Variants in VWA8 observed in about 807,000 individuals in gnomAD.
VWA8 encodes von Willebrand factor A domain-containing protein 8.
In VWA8, 221 loss-of-function variants were observed where a neutral mutation model predicts 241.5. The observed-to-expected ratio is 0.91, with a 90% CI of 0.82 to 1.02. The LOEUF (loss-of-function observed/expected upper bound fraction) is 1.02, where lower values mean the gene tolerates loss of function less well. VWA8 is among the 50% of genes least tolerant of loss of function. VWA8 has a pLI of 0.00. For synonymous variants in VWA8, 852 were observed against 827.1 expected, an observed-to-expected ratio of 1.03 and a Z score of -0.52; for missense variants, 2,322 against 2,328.7, an observed-to-expected ratio of 1.00 and a Z score of 0.06.
intron 21 of VWA8, among the ~76,000 whole-genome samples, chr13:41,748,711 T>G (rs2045629856): frequency 6.6e-6 from 1 of 152,154 alleles, no homozygotes; most frequent in African/African-American, 2.4e-5. Context: ...GCCACACATC[T>G]ACAACTATCT....
At chr13:41,808,642 C>T (rs1445610099) in intron 17 of VWA8, among the ~76,000 whole-genome samples, 1 of 152,034 alleles carries the variant, frequency 6.6e-6, no homozygotes, top group Non-Finnish European at 1.5e-5. Flanking sequence ...CAGATCCAAC[C>T]CATATCAATA....
At position 41,811,257 on chromosome 13, in the gene VWA8, A is replaced by T. The variant is rs1287915588; in HGVS notation, c.2031T>A (p.Leu677=). 6.2e-7 allele frequency: 1 copy of T among 1,610,644 alleles called. No individual in the cohort carries two copies. Among genetic ancestry groups the T allele is most frequent in the Admixed American group, 1.7e-5 (1 of 59,948 alleles). The change falls in exon 17 of 45, where the codon CTT becomes CTA. Residue 677 remains leucine, a synonymous_variant. Coordinates refer to ENST00000379310, the MANE Select transcript of VWA8 (RefSeq NM_015058.2). ...RRLSQYPNEN[L]HSAVTKACLS... ...GGCAGGCTTTAGTAACAGCACTGTGAAGATTTTCATTAGGATACTGTGACA... is the reference window on the plus strand; with the variant it reads ...GGCAGGCTTTAGTAACAGCACTGTGTAGATTTTCATTAGGATACTGTGACA...
At chr13:41,642,545 C>T (rs34298367) in intron 37 of VWA8, among the ~76,000 whole-genome samples, 4,024 of 136,004 alleles carry the variant, frequency 0.03, 65 homozygotes, top group South Asian at 0.064. Context: ...GGTGACAGTG[C>T]GGGATTCCGT....
intron 40 of VWA8, among the ~76,000 whole-genome samples, chr13:41,595,337 G>C (rs919756945): frequency 1.1e-4 from 16 of 152,274 alleles, no homozygotes; most frequent in Admixed American, 8.5e-4. Context: ...GTGAGAGTAA[G>C]GGAGAGGGAA....
chr13:41,770,445 A>AAAC (rs1233646552), intron 20 of VWA8, among the ~76,000 whole-genome samples: 2 of 146,482 alleles, frequency 1.4e-5, no homozygotes, highest in Admixed American at 6.7e-5. Flanking sequence ...CGTTTCAAAA[A>AAAC]AAAAAAAAAA....
chr13:41,592,211 C>A (rs2044459929), intron 40 of VWA8, among the ~76,000 whole-genome samples: 1 of 138,074 alleles, frequency 7.2e-6, no homozygotes. Flanking sequence ...TAAACTATCG[C>A]AAGAACAAAA....
intron 21 of VWA8, among the ~76,000 whole-genome samples, chr13:41,759,663 C>G (rs1334366389): frequency 6.6e-6 from 1 of 151,598 alleles, no homozygotes; most frequent in Non-Finnish European, 1.5e-5. Flanking sequence ...TTTATGGCAA[C>G]TGTTTTATAG....
At chr13:41,891,859 T>C (rs1250458311) in intron 4 of VWA8, among the ~76,000 whole-genome samples, 15 of 152,162 alleles carry the variant, frequency 9.9e-5, no homozygotes. Flanking sequence ...TTAGATTATA[T>C]ACCCAATGAA....
At chr13:41,836,510 A>G (rs141158905) in intron 12 of VWA8, among the ~76,000 whole-genome samples, 3 of 152,274 alleles carry the variant, frequency 2.0e-5, no homozygotes, top group African/African-American at 7.2e-5. Flanking sequence ...AAAAACTGGT[A>G]ACATTTTTTT....
intron 2 of VWA8, among the ~76,000 whole-genome samples, chr13:41,931,254 AAGAGAAATAAACCAGACCC>A (rs1363383952): frequency 1.4e-5 from 2 of 146,974 alleles, no homozygotes; most frequent in Non-Finnish European, 3.0e-5. Context: ...ACATTATGCT[AAGAGAAATAAACCAGACCC>A]AGGGTTAAAA....
chr13:41,760,776 T>G (rs901642440), intron 21 of VWA8, among the ~76,000 whole-genome samples: 2 of 152,000 alleles, frequency 1.3e-5, no homozygotes, highest in Admixed American at 1.3e-4. Context: ...AGTTTATTAT[T>G]TCTCCTTGTG....
chr13:41,939,565 G>C (rs1244804752), intron 2 of VWA8, among the ~76,000 whole-genome samples: 1 of 152,044 alleles, frequency 6.6e-6, no homozygotes, highest in Non-Finnish European at 1.5e-5. Context: ...ATGTCCTGCT[G>C]TGCCCAATGC....
At chr13:41,713,262 A>C (rs536626515) in intron 26 of VWA8, among the ~76,000 whole-genome samples, 1 of 152,360 alleles carries the variant, frequency 6.6e-6, no homozygotes, top group East Asian at 1.9e-4. Flanking sequence ...TTTTACAAAT[A>C]AAATGTAGAA....
chr13:41,835,382 C>T (rs530778767), intron 12 of VWA8, among the ~76,000 whole-genome samples: 6 of 152,294 alleles, frequency 3.9e-5, no homozygotes, highest in Non-Finnish European at 5.9e-5. Flanking sequence ...GGTTTTGACA[C>T]ATTGTCAAAA....
chr13:41,926,277 C>A, intron 2 of VWA8: 1 of 646,146 alleles, frequency 1.5e-6, no homozygotes, highest in East Asian at 3.0e-5. Context: ...AAGGTATCAT[C>A]AGAAATACTT....
At chr13:41,594,058 C>G (rs989767325) in intron 40 of VWA8, among the ~76,000 whole-genome samples, 3 of 152,076 alleles carry the variant, frequency 2.0e-5, no homozygotes, top group African/African-American at 7.2e-5. Context: ...GTTTTATTAA[C>G]CAGTGATGCT....
intron 2 of VWA8, among the ~76,000 whole-genome samples, chr13:41,934,259 A>G (rs1045550643): frequency 2.6e-5 from 4 of 152,000 alleles, no homozygotes; most frequent in Non-Finnish European, 5.9e-5. Flanking sequence ...ATTTAAAATC[A>G]CTGTGAGATA....
In VWA8 at chr13:41,833,387, G is replaced by A. The variant is rs1200778063; in HGVS notation, c.1570C>T (p.Leu524Phe). ...DGIHRVNAGT[L>F]AVLQRLIHDR... ...CATACCCACCTTTGCAATACAGCAA[G>A]CGTGCCCGCATTCACCCGGTGAATG... Residue 524 changes from leucine (L) to phenylalanine (F), a missense_variant, in exon 13 of 45, where the codon CTT (leucine) becomes TTT (phenylalanine). Coordinates refer to ENST00000379310, the MANE Select transcript of VWA8 (RefSeq NM_015058.2). 5 of 1,611,904 alleles carry A rather than the reference G, an allele frequency of 3.1e-6. No individual in the cohort carries two copies. The highest frequency in any genetic ancestry group is 1.1e-5 in the South Asian group (1 of 90,772).
intron 21 of VWA8, among the ~76,000 whole-genome samples, chr13:41,737,174 A>G (rs2045532186): frequency 6.6e-6 from 1 of 152,226 alleles, no homozygotes; most frequent in African/African-American, 2.4e-5. Context: ...AGAGAATTAA[A>G]TGGCAATTTT....
Sources: gnomAD v4.1 joint callset for allele counts (sites outside exome capture counted in the v4.1 genomes callset) on GRCh38, gnomAD v4.1.1 for gene constraint, MANE v1.5 for transcripts, NCBI Gene and HGNC (gene_info 2026-07-23, HGNC 2026-07-21) for gene names.